SFPQ: variants seen among roughly 807,000 people sequenced by gnomAD.
The protein encoded by SFPQ is splicing factor, proline- and glutamine-rich.
A neutral mutation model predicts 72.9 loss-of-function variants in SFPQ; 11 were observed. The observed-to-expected ratio is 0.15, with a 90% CI of 0.09 to 0.25. The LOEUF (loss-of-function observed/expected upper bound fraction) is 0.25, where lower values mean the gene tolerates loss of function less well. SFPQ is among the 10% of genes least tolerant of loss of function. The pLI, the probability that SFPQ is intolerant of heterozygous loss-of-function variation, is 1.00. For missense variants in SFPQ, 847 were observed against 993.3 expected (o/e 0.85, Z 1.98); for synonymous variants, 506 against 367.3 (o/e 1.38, Z -4.32).
chr1:35,192,343 C>T lies in SFPQ; in HGVS notation c.707G>A (p.Arg236Gln). ...GCCCCCGCGGGGCTCCCCGCCGCCT[C>T]GATGCGGCGGCTTGGGGTGGCCGCC... ...TPGGHPKPPH[R>Q]GGGEPRGGRQ... is the part of the protein sequence containing the mutation. Residue 236 changes from arginine to glutamine, a missense_variant, in exon 1 of 10, where the codon CGA (arginine) becomes CAA (glutamine). Around this residue, in one of 6 missense-constraint regions of SFPQ, gnomAD observed 498 missense variants for 405.1 expected, o/e 1.23. Transcript: ENST00000357214. The T allele has an allele frequency of 7.1e-7, 1 of 1,400,742 alleles. No homozygotes were observed. The highest frequency in any genetic ancestry group is 9.2e-7 in the Non-Finnish European group (1 of 1,091,408). The allele number at this position is 1,400,742 out of a possible 1,614,324, so 86.8% of individuals were successfully genotyped here.
chr1:35,180,514 A>C (rs552105674), downstream of SFPQ: 11 of 1,050,780 alleles, frequency 1.0e-5, no homozygotes, highest in African/African-American at 1.3e-4. Flanking sequence ...CCAGGTTTAG[A>C]GTATAGACAC....
At chr1:35,186,642 T>G (rs3738695) in intron 9 of SFPQ, among the ~76,000 whole-genome samples, 6,200 of 152,274 alleles carry the variant, frequency 0.041, 222 homozygotes, top group East Asian at 0.1. Context: ...AGTTTGCCAT[T>G]TGATTATTCT....
In SFPQ at chr1:35,188,049, A is replaced by G; in HGVS notation, c.1739T>C (p.Ile580Thr). The change falls in exon 7 of 10, where the codon ATT (isoleucine) becomes ACT (threonine). Residue 580 changes from isoleucine to threonine, a missense_variant. Coordinates refer to ENST00000357214, the MANE Select transcript of SFPQ (RefSeq NM_005066.3). ...TTGTTCTTCCATCTCACGTTGACGA[A>G]TCATCATCTCTTCCTCTCTTCTACG... Reference protein sequence around the residue: ...ERRRREEEMMIRQREMEEQMR... With the variant: ...ERRRREEEMMTRQREMEEQMR... 1.2e-6 allele frequency: 2 copies of G among 1,614,136 alleles called. No individual in the cohort carries two copies. Among genetic ancestry groups the G allele is most frequent in the Non-Finnish European group, 1.7e-6 (2 of 1,180,000 alleles).
chr1:35,178,986 T>C, downstream of SFPQ: 1 of 1,056,564 alleles, frequency 9.5e-7, no homozygotes, highest in Non-Finnish European at 1.1e-6. Context: ...AGTTGAGTCT[T>C]AAAAATTGCC....
At position 35,189,061 on chromosome 1, in the gene SFPQ, T is replaced by G. The variant is rs1639866963; in HGVS notation, c.1639A>C (p.Arg547=). The G allele has an allele frequency of 1.9e-6, 3 of 1,613,072 alleles. No individual in the cohort carries two copies. Among genetic ancestry groups the G allele is most frequent in the Non-Finnish European group, 2.5e-6 (3 of 1,179,980 alleles). The change falls in exon 6 of 10, where the codon AGA becomes CGA. Residue 547 remains arginine, a synonymous_variant. Coordinates refer to ENST00000357214, the MANE Select transcript of SFPQ (RefSeq NM_005066.3). ...QDLMRRQEEL[R]RMEELHNQEM... ...TGATTGTGAAGTTCTTCCATGCGTC[T>G]TAATTCTTCCTGTCGTCTCATCAGA...
chr1:35,190,104 T>C (rs1209280660), intron 4 of SFPQ, among the ~76,000 whole-genome samples: 6 of 151,342 alleles, frequency 4.0e-5, no homozygotes, highest in South Asian at 2.1e-4. Flanking sequence ...CTACTAAAAA[T>C]AGAAAACGAG....
Position 35,193,129 on chromosome 1 carries a change from T to G in SFPQ, c.-80A>C. 6.7e-7 allele frequency: 1 copy of G among 1,482,950 alleles called. No individual in the cohort carries two copies. The allele number at this position is 1,482,950 out of a possible 1,614,324, so 91.9% of individuals were successfully genotyped here. A position where few individuals can be genotyped will look rare whatever the true frequency, so the allele number is the denominator to read the frequency against. ...GGAGGCCACCTTGCTTCTCACAAAATGGCGGATGACACAGGCGGCGCGCCG... is the reference window on the plus strand; with the variant it reads ...GGAGGCCACCTTGCTTCTCACAAAAGGGCGGATGACACAGGCGGCGCGCCG... On this transcript the variant is annotated 5_prime_UTR_variant, in exon 1 of 10. Transcript: ENST00000357214.
At chr1:35,179,138 C>T (rs1484006111), downstream of SFPQ, 2 of 1,059,600 alleles carry the variant, frequency 1.9e-6, no homozygotes, top group East Asian at 5.2e-5. Context: ...AATAAAGGCC[C>T]AGACCAACAT....
chr1:35,187,373 A>C (rs112492610), intron 7 of SFPQ, 122 bp from the exon 8 acceptor site: 1 of 932,124 alleles, frequency 1.1e-6, no homozygotes, highest in East Asian at 2.4e-5. Context: ...TCATCATGTG[A>C]ATTATTTTTG....
chr1:35,177,226 AAATT>A (rs2148600715), intron 5 of SFPQ: 1 of 152,288 alleles, frequency 6.6e-6, no homozygotes, highest in South Asian at 2.1e-4. Context: ...AAAAAATAAA[AAATT>A]AATGGTTCCC....
At chr1:35,190,339 A>AT (rs1557808674) in intron 4 of SFPQ, among the ~76,000 whole-genome samples, 159 bp downstream of exon 4, 1 of 152,264 alleles carries the variant, frequency 6.6e-6, no homozygotes, top group African/African-American at 2.4e-5. Flanking sequence ...AGCTATCTGA[A>AT]TAACAGCTTC....
chr1:35,187,845 T>C lies in SFPQ; in HGVS notation c.1815+128A>G, dbSNP rs566701112. ...CTGACCCATACAAGGAAATCAAACA[T>C]AATATACTTTGTTAGAAAAAAAGCA... On this transcript the variant is annotated intron_variant, in intron 7 of 9. Transcript: ENST00000357214. The C allele has an allele frequency of 8.9e-5, 61 of 684,480 alleles. No individual in the cohort carries two copies. In the Admixed American group the frequency reaches 1.4e-3, roughly 15 times the overall value. The allele number at this position is 684,480 out of a possible 1,614,324, so 42.4% of individuals were successfully genotyped here. A position where few individuals can be genotyped will look rare whatever the true frequency, so the allele number is the denominator to read the frequency against.
chr1:35,184,020 G>A lies in SFPQ; in HGVS notation c.*436C>T. The A allele has an allele frequency of 9.4e-7, 1 of 1,058,736 alleles. No individual in the cohort carries two copies. Among genetic ancestry groups the A allele is most frequent in the Non-Finnish European group, 1.1e-6 (1 of 875,172 alleles). 65.6% of individuals were successfully genotyped at this position (1,058,736 alleles called of 1,614,324 possible). A position where few individuals can be genotyped will look rare whatever the true frequency, so the allele number is the denominator to read the frequency against. ...GCCTCCAGATGCATTTCCCAGAAAT[G>A]GCATATGCCATTCAAAGGCCTAGAC... On this transcript the variant is annotated 3_prime_UTR_variant, in exon 10 of 10. Transcript: ENST00000357214.
At chr1:35,192,191 G>A (rs1276969876) in intron 1 of SFPQ, 31 bp downstream of exon 1, 2 of 1,377,242 alleles carry the variant, frequency 1.5e-6, no homozygotes, top group East Asian at 3.2e-5. Flanking sequence ...CATCTTAGGG[G>A]AGCCGACGCG....
rs1640077384 is a variant in SFPQ, at chr1:35,192,543, C to T, written c.507G>A (p.Pro169=). Residue 169 remains proline (P), a synonymous_variant, in exon 1 of 10, where the codon CCG becomes CCA. Coordinates refer to ENST00000357214, the MANE Select transcript of SFPQ (RefSeq NM_005066.3). ...GTGTGGTAGGGACCCCGCTGCTTGG[C>T]GGGGTGGGTGGCGGCGCCCCGGGAG... ...SAPPGAPPPT[P]PSSGVPTTPP... is the part of the protein sequence containing the mutation. 1.5e-6 allele frequency: 2 copies of T among 1,326,836 alleles called. No individual in the cohort carries two copies. Among genetic ancestry groups the T allele is most frequent in the Non-Finnish European group, 1.9e-6 (2 of 1,044,542 alleles). 82.2% of individuals were successfully genotyped at this position (1,326,836 alleles called of 1,614,324 possible). A position where few individuals can be genotyped will look rare whatever the true frequency, so the allele number is the denominator to read the frequency against.
chr1:35,190,415 T>G (rs776827481), intron 4 of SFPQ, 83 bp downstream of exon 4: 3 of 958,362 alleles, frequency 3.1e-6, no homozygotes, highest in Non-Finnish European at 4.8e-6. Context: ...TTGCATATTT[T>G]AAGCAAAATT....
chr1:35,180,095 G>A, downstream of SFPQ: 1 of 1,050,882 alleles, frequency 9.5e-7, no homozygotes, highest in Non-Finnish European at 1.1e-6. Flanking sequence ...TTGCCAACGA[G>A]CAAGCTTTTT....
chr1:35,185,183 A>G (rs1022572371), intron 9 of SFPQ, among the ~76,000 whole-genome samples: 1 of 152,260 alleles, frequency 6.6e-6, no homozygotes, highest in South Asian at 2.1e-4. Context: ...ATAAGACTAT[A>G]GATTTAGTCA....
chr1:35,179,261 ATTAAGG>A, downstream of SFPQ: 4 of 1,060,782 alleles, frequency 3.8e-6, no homozygotes, highest in Non-Finnish European at 4.6e-6. Context: ...TGCAACCCCC[ATTAAGG>A]TTAAAAGTCC....
Sources: allele counts gnomAD v4.1 joint callset (sites outside exome capture counted in the v4.1 genomes callset), GRCh38; gene constraint gnomAD v4.1.1; regional missense constraint gnomAD v4.1.1; transcripts MANE v1.5; gene names NCBI Gene and HGNC (gene_info 2026-07-23, HGNC 2026-07-21).